Variants in CFH observed in about 807,000 individuals in gnomAD.
CFH encodes the protein H factor 1 (complement).
CFH carries 53 observed loss-of-function variants against 147.3 expected under a neutral mutation model. The observed-to-expected ratio is 0.36, with a 90% confidence interval of 0.29 to 0.45. The LOEUF is 0.45. CFH is among the 20% of genes least tolerant of loss of function. The pLI, the probability that CFH is intolerant of heterozygous loss-of-function variation, is 1.00. For synonymous variants in CFH, 536 were observed against 489.4 expected (o/e 1.10, Z -1.26); for missense variants, 1,380 against 1,498.0 (o/e 0.92, Z 1.30).
At chr1:196,672,714 C>A (rs1667323979) in intron 1 of CFH, among the ~76,000 whole-genome samples, 1 of 152,038 alleles carries the variant, frequency 6.6e-6, no homozygotes, top group Admixed American at 6.6e-5. Context: ...TATTGCTTTG[C>A]AAAGTTTTTT....
At chr1:196,672,587 G>A (rs1002762852) in intron 1 of CFH, among the ~76,000 whole-genome samples, 1 of 152,078 alleles carries the variant, frequency 6.6e-6, no homozygotes, top group Admixed American at 6.6e-5. Context: ...CAGATAGTTT[G>A]TTTCTTCATT....
At chr1:196,729,499 A>G (rs1435287945) in intron 15 of CFH, among the ~76,000 whole-genome samples, 1 of 151,912 alleles carries the variant, frequency 6.6e-6, no homozygotes, top group Admixed American at 6.6e-5. Context: ...TTCCTAGTAT[A>G]GTGTTGAGGG....
chr1:196,696,660 A>C (rs1022490024), intron 9 of CFH, among the ~76,000 whole-genome samples: 2 of 152,206 alleles, frequency 1.3e-5, no homozygotes, highest in Admixed American at 1.3e-4. Flanking sequence ...ACTACTTTAA[A>C]GTTTATATGG....
chr1:196,701,485 T>A, intron 9 of CFH: 2 of 1,164,770 alleles, frequency 1.7e-6, no homozygotes, highest in Non-Finnish European at 2.4e-6. Flanking sequence ...CCAGCCAGAA[T>A]GGGAAATGCT....
intron 9 of CFH, among the ~76,000 whole-genome samples, chr1:196,699,448 A>G (rs1353203249): frequency 2.6e-5 from 4 of 152,306 alleles, no homozygotes; most frequent in East Asian, 3.9e-4. Flanking sequence ...CCCTTCACTG[A>G]GTAAATATTT....
chr1:196,684,851 A>G (rs1269252702), intron 6 of CFH, among the ~76,000 whole-genome samples: 2 of 152,062 alleles, frequency 1.3e-5, no homozygotes, highest in African/African-American at 2.4e-5. Flanking sequence ...GAAGGGATTA[A>G]GAGCCCAGGA....
rs367837226 is a variant in CFH at position 196,677,677 on chromosome 1, A to G, written c.619+10A>G. 3.2e-5 allele frequency: 51 copies of G among 1,610,808 alleles called. No homozygotes were observed. Among genetic ancestry groups the G allele is most frequent in the East Asian group, 6.7e-5 (3 of 44,768 alleles). On this transcript the variant is annotated intron_variant, in intron 5 of 21. Coordinates refer to ENST00000367429, the MANE Select transcript of CFH (RefSeq NM_000186.4). ...AAACCAAAGTGTGTGGGTAAGATACACTTACTGTTTTAGTATTTTTAGCTT... is the reference window on the plus strand; with the variant it reads ...AAACCAAAGTGTGTGGGTAAGATACGCTTACTGTTTTAGTATTTTTAGCTT...
intron 15 of CFH, among the ~76,000 whole-genome samples, chr1:196,732,653 T>C (rs1189285854): frequency 3.3e-5 from 5 of 152,098 alleles, no homozygotes; most frequent in Non-Finnish European, 5.9e-5. Context: ...GAGATTTTCA[T>C]GTGCCTCTCA....
intron 9 of CFH, among the ~76,000 whole-genome samples, chr1:196,694,164 C>T (rs925734128): frequency 2.6e-5 from 4 of 151,996 alleles, no homozygotes; most frequent in Non-Finnish European, 5.9e-5. Context: ...TTTCCCCGCA[C>T]ACCCCAACAA....
At chr1:196,688,692 C>T (rs1278305783) in intron 7 of CFH, among the ~76,000 whole-genome samples, 1 of 152,132 alleles carries the variant, frequency 6.6e-6, no homozygotes, top group Non-Finnish European at 1.5e-5. Context: ...TTCACTGCAA[C>T]CTCTGCCTCC....
At chr1:196,716,658 G>T (rs1357507976) in intron 11 of CFH, among the ~76,000 whole-genome samples, 1 of 151,976 alleles carries the variant, frequency 6.6e-6, no homozygotes, top group Admixed American at 6.6e-5. Flanking sequence ...AAACATTTAG[G>T]TGATGAAAAG....
chr1:196,679,807 T>G lies in CFH; in HGVS notation c.790+14T>G. The G allele has an allele frequency of 6.2e-7, 1 of 1,602,804 alleles. No individual in the cohort carries two copies. The highest frequency in any genetic ancestry group is 8.5e-7 in the Non-Finnish European group (1 of 1,171,904). On this transcript the variant is annotated intron_variant, in intron 6 of 21. Coordinates refer to ENST00000367429, the MANE Select transcript of CFH (RefSeq NM_000186.4). Reference sequence around the variant, plus strand: ...CTTCATGTGAAGGTAATGTTACCTTTATTTTCTGGATCTTTATAAATTTAT... The same window carrying G: ...CTTCATGTGAAGGTAATGTTACCTTGATTTTCTGGATCTTTATAAATTTAT...
chr1:196,690,165 C>T lies in CFH; in HGVS notation c.1262C>T (p.Ala421Val), dbSNP rs1558162102. The T allele has an allele frequency of 1.2e-6, 2 of 1,613,442 alleles. No individual in the cohort carries two copies. Among genetic ancestry groups the T allele is most frequent in the Middle Eastern group, 3.3e-4 (2 of 6,052 alleles). The part of the protein sequence containing the change: ...SIDVACHPGY[A>V]LPKAQTTVTC... ...GACGTTGCCTGCCATCCTGGCTACGCTCTTCCAAAAGCGCAGACCACAGTT... is the reference window on the plus strand; with the variant it reads ...GACGTTGCCTGCCATCCTGGCTACGTTCTTCCAAAAGCGCAGACCACAGTT... Residue 421 changes from alanine (A) to valine (V), a missense_variant, in exon 9 of 22, where the codon GCT (alanine) becomes GTT (valine). Transcript: ENST00000367429.
rs184861805 is a variant in CFH at position 196,664,473 on chromosome 1, G to A, written c.59-8505G>A. 2.7e-3 allele frequency among the ~76,000 whole-genome samples: 412 copies of A among 152,220 alleles called. 2 individuals are homozygous for A. The highest frequency in any genetic ancestry group is 0.014 in the East Asian group (70 of 5,172). On this transcript the variant is annotated intron_variant, in intron 1 of 21. Coordinates refer to ENST00000367429, the MANE Select transcript of CFH (RefSeq NM_000186.4). ...CCAGACAATAAATATTTTAGACTTC[G>A]TGAGCCATAATGTCTCGCTACTCAG... is the stretch of plus-strand genomic sequence containing the variant.
At chr1:196,654,415 T>C (rs1033046771) in intron 1 of CFH, among the ~76,000 whole-genome samples, 1 of 152,158 alleles carries the variant, frequency 6.6e-6, no homozygotes, top group African/African-American at 2.4e-5. Flanking sequence ...TTTCCAATTG[T>C]GTAGGAACGT....
chr1:196,747,386 A>G lies in CFH; in HGVS notation c.*73A>G. On this transcript the variant is annotated 3_prime_UTR_variant, in exon 22 of 22. Transcript: ENST00000367429. Reference sequence around the variant, plus strand: ...CAGTTCTCAATTTCATTTTTTATGTATTGTTTTACTCCTTTTTATTCATAC... The same window carrying G: ...CAGTTCTCAATTTCATTTTTTATGTGTTGTTTTACTCCTTTTTATTCATAC... 2.5e-6 allele frequency: 4 copies of G among 1,584,100 alleles called. No homozygotes were observed. The highest frequency in any genetic ancestry group is 3.5e-6 in the Non-Finnish European group (4 of 1,155,738).
intron 12 of CFH, among the ~76,000 whole-genome samples, chr1:196,725,835 A>G (rs1379737163): frequency 1.3e-5 from 2 of 152,176 alleles, no homozygotes. Flanking sequence ...TCTGTTCATG[A>G]GAGATCCATA....
At chr1:196,725,347 C>T (rs760521211) in intron 12 of CFH, 50 bp downstream of exon 12, 62 of 1,567,256 alleles carry the variant, frequency 4.0e-5, no homozygotes, top group Middle Eastern at 1.7e-4. Context: ...ACTTTGAATA[C>T]CAACTTTTTT....
chr1:196,717,085 C>T (rs1247975060), intron 11 of CFH, among the ~76,000 whole-genome samples: 2 of 151,678 alleles, frequency 1.3e-5, no homozygotes, highest in Non-Finnish European at 2.9e-5. Context: ...AAAAGGAGGA[C>T]CCAGAGAAAC....
Sources: allele counts gnomAD v4.1 joint callset (sites outside exome capture counted in the v4.1 genomes callset), GRCh38; gene constraint gnomAD v4.1.1; transcripts MANE v1.5; gene names NCBI Gene and HGNC (gene_info 2026-07-23, HGNC 2026-07-21).